SEPTIN2: variants seen among roughly 807,000 people sequenced by gnomAD.
The protein encoded by SEPTIN2 is septin-2.
Under a neutral mutation model 46.5 loss-of-function variants are expected in SEPTIN2, and 34 were observed. The ratio of observed to expected loss-of-function variants is 0.73; its 90% CI spans 0.56 to 0.97. The LOEUF (loss-of-function observed/expected upper bound fraction) is 0.97, where lower values mean the gene tolerates loss of function less well. SEPTIN2 is among the 50% of genes least tolerant of loss of function. SEPTIN2 has a pLI of 0.00. For missense variants in SEPTIN2, 347 were observed against 448.4 expected (o/e 0.77, Z 2.04); for synonymous variants, 175 against 153.4 (o/e 1.14, Z -1.04).
intron 1 of SEPTIN2, among the ~76,000 whole-genome samples, chr2:241,317,806 T>C (rs2076591706): frequency 6.6e-6 from 1 of 152,148 alleles, no homozygotes; most frequent in African/African-American, 2.4e-5. Context: ...TTTGCGAAAA[T>C]TGGTTTTTTA....
chr2:241,343,657 A>G (rs1413070797), intron 8 of SEPTIN2, 95 bp from the exon 9 acceptor site: 38 of 1,386,782 alleles, frequency 2.7e-5, no homozygotes, highest in Non-Finnish European at 3.6e-5. Context: ...TGTAGTCAAC[A>G]GCAATGTGTT....
chr2:241,343,122 A>G (rs1367150886), intron 8 of SEPTIN2, 29 bp downstream of exon 8: 2 of 1,196,256 alleles, frequency 1.7e-6, no homozygotes, highest in African/African-American at 1.5e-5. Context: ...TCCACAACAT[A>G]AATAACTCCT....
chr2:241,326,708 CAA>C, intron 3 of SEPTIN2, among the ~76,000 whole-genome samples: 1 of 152,336 alleles, frequency 6.6e-6, no homozygotes. Context: ...GCTGTCATGT[CAA>C]GAGAACACTC....
intron 3 of SEPTIN2, among the ~76,000 whole-genome samples, chr2:241,328,328 G>A (rs2078356281): frequency 6.6e-6 from 1 of 152,176 alleles, no homozygotes; most frequent in African/African-American, 2.4e-5. Flanking sequence ...CTACTTGGGA[G>A]GCTGAGGCCA....
At chr2:241,328,482 A>G (rs185052757) in intron 3 of SEPTIN2, among the ~76,000 whole-genome samples, 1 of 150,802 alleles carries the variant, frequency 6.6e-6, no homozygotes, top group Non-Finnish European at 1.5e-5. Context: ...CATGCCTGTA[A>G]TCACAGCATC....
At chr2:241,337,259 C>T (rs1043031618) in intron 5 of SEPTIN2, 123 bp from the exon 6 acceptor site, 2 of 948,130 alleles carry the variant, frequency 2.1e-6, no homozygotes. Flanking sequence ...GTCTTCTGTT[C>T]TCATCTTGAA....
chr2:241,337,669 T>G lies in SEPTIN2; in HGVS notation c.477-4T>G, dbSNP rs1407052779. 3.1e-6 allele frequency: 5 copies of G among 1,605,196 alleles called. No homozygotes were observed. The African/African-American group carries it at 4.0e-5, about 13-fold the overall frequency. On this transcript the variant is annotated splice_region_variant and splice_polypyrimidine_tract_variant and intron_variant, in intron 6 of 12. Coordinates refer to ENST00000391971, the MANE Select transcript of SEPTIN2 (RefSeq NM_004404.5). ...ATAAGTGACAATTCTAAAATTAATT[T>G]TAGACTTAAGCCCTTAGATGTGGCG... is the stretch of plus-strand genomic sequence containing the variant.
chr2:241,349,390 A>ATATATG (rs1280557006), intron 11 of SEPTIN2, among the ~76,000 whole-genome samples: 65 of 149,970 alleles, frequency 4.3e-4, no homozygotes, highest in African/African-American at 1.6e-3. Context: ...AAAAATATAT[A>ATATATG]TATATGTATA....
chr2:241,350,773 TGAAAA>T (rs1456493109), intron 12 of SEPTIN2, among the ~76,000 whole-genome samples: 1 of 151,974 alleles, frequency 6.6e-6, no homozygotes, highest in Non-Finnish European at 1.5e-5. Flanking sequence ...TCTGCCTGCT[TGAAAA>T]GAATCTGCAG....
chr2:241,330,507 G>A (rs1246061965), intron 3 of SEPTIN2, among the ~76,000 whole-genome samples: 1 of 152,150 alleles, frequency 6.6e-6, no homozygotes. Context: ...AAATGGGTGT[G>A]GCTCATAACA....
chr2:241,315,716 G>C (rs2076067406), upstream of SEPTIN2: 1 of 152,406 alleles, frequency 6.6e-6, no homozygotes, highest in South Asian at 2.1e-4. Context: ...CAACTGCCGT[G>C]GGAGGAGCAC....
At chr2:241,338,967 AAATAT>A (rs1338002090) in intron 7 of SEPTIN2, among the ~76,000 whole-genome samples, 13 of 85,240 alleles carry the variant, frequency 1.5e-4, no homozygotes, top group East Asian at 5.9e-4. Context: ...TATATATTAT[AAATAT>A]AATATATAAA....
At position 241,335,123 on chromosome 2, in the gene SEPTIN2, A is replaced by G; in HGVS notation, c.131-3A>G. 3 of 1,607,190 alleles carry G rather than the reference A, an allele frequency of 1.9e-6. No homozygotes were observed. Among genetic ancestry groups the G allele is most frequent in the Non-Finnish European group, 2.6e-6 (3 of 1,174,262 alleles). On this transcript the variant is annotated splice_polypyrimidine_tract_variant and splice_region_variant and intron_variant, in intron 3 of 12. Coordinates refer to ENST00000391971, the MANE Select transcript of SEPTIN2 (RefSeq NM_004404.5). The stretch of plus-strand genomic sequence containing the variant: ...ATGACAAGGTTTTTCTTTTTATTTA[A>G]AGGTGAATCAGGTCTAGGAAAATCG...
In SEPTIN2 at chr2:241,348,127, T is replaced by C. The variant is rs1217085922; in HGVS notation, c.927-7T>C. 1.2e-6 allele frequency: 2 copies of C among 1,610,408 alleles called. No homozygotes were observed. The highest frequency in any genetic ancestry group is 3.4e-5 in the Admixed American group (2 of 59,502). On this transcript the variant is annotated splice_region_variant and splice_polypyrimidine_tract_variant and intron_variant, in intron 10 of 12. Coordinates refer to ENST00000391971, the MANE Select transcript of SEPTIN2 (RefSeq NM_004404.5). Reference sequence around the variant, plus strand: ...GTGTTATGATTCTGATTTCTTTCGATTCTTAGGAAAGTGGAGAATGAGGAC... The same window carrying C: ...GTGTTATGATTCTGATTTCTTTCGACTCTTAGGAAAGTGGAGAATGAGGAC...
chr2:241,322,311 T>C (rs1407914888), intron 1 of SEPTIN2, among the ~76,000 whole-genome samples: 1 of 152,074 alleles, frequency 6.6e-6, no homozygotes, highest in Non-Finnish European at 1.5e-5. Flanking sequence ...GTTTAAAAAT[T>C]CCACATATCT....
Position 241,335,981 on chromosome 2 carries a change from T to A in SEPTIN2, c.224T>A (p.Ile75Asn). ...ERVIPGAAEK[I>N]ERTVQIEAST... ...AAGTTTGTTTCTTTTCTAGAAAAAA[T>A]TGAAAGAACTGTCCAGATTGAGGCT... Residue 75 changes from isoleucine to asparagine, a missense_variant, in exon 5 of 13, where the codon ATT (isoleucine) becomes AAT (asparagine). Physicochemically the swap from Ile to Asn is moderately radical, Grantham distance 149 (BLOSUM62 -3). Coordinates refer to ENST00000391971, the MANE Select transcript of SEPTIN2 (RefSeq NM_004404.5). 2.5e-6 allele frequency: 4 copies of A among 1,614,016 alleles called. No homozygotes were observed. The South Asian group carries it at 4.4e-5, about 18-fold the overall frequency.
chr2:241,324,562 A>AT (rs1169147369), intron 2 of SEPTIN2: 3 of 403,066 alleles, frequency 7.4e-6, no homozygotes, highest in African/African-American at 6.3e-5. Context: ...AATTTTTTGG[A>AT]TTTTAGTAAA....
rs1334210058 is a variant in SEPTIN2, at chr2:241,352,151, A to C, written c.*214A>C. On this transcript the variant is annotated 3_prime_UTR_variant, in exon 13 of 13. Coordinates refer to ENST00000391971, the MANE Select transcript of SEPTIN2 (RefSeq NM_004404.5). ...CGTATGTATTTCATTGCTGTGTCAC[A>C]CTCTGTGTTTTGTGAGGTGAATGTC... 1.3e-5 allele frequency: 2 copies of C among 152,532 alleles called. No homozygotes were observed. The highest frequency in any genetic ancestry group is 4.8e-5 in the African/African-American group (2 of 41,408). The allele number at this position is 152,532 out of a possible 1,614,324, so 9.4% of individuals were successfully genotyped here. A position where few individuals can be genotyped will look rare whatever the true frequency, so the allele number is the denominator to read the frequency against.
rs765086855 is a variant in SEPTIN2, at chr2:241,346,235, CAA to C, written c.913_914del (p.Lys305GlufsTer9). On this transcript the variant is annotated frameshift_variant, in exon 10 of 13. Coordinates refer to ENST00000391971, the MANE Select transcript of SEPTIN2 (RefSeq NM_004404.5). LOFTEE classifies it high-confidence loss of function. ...HYENFRSERL[K>X]RGGRKVENED... is the part of the protein sequence containing the mutation. ...ATGAAAACTTCCGTTCTGAGAGACT[CAA>C]GAGAGGCGGCAGGTCATCACACTGT... 8 of 1,613,726 alleles carry C rather than the reference CAA, an allele frequency of 5.0e-6. No homozygotes were observed. The highest frequency in any genetic ancestry group is 2.7e-5 in the African/African-American group (2 of 74,980).
Sources: gnomAD v4.1 joint callset for allele counts (sites outside exome capture counted in the v4.1 genomes callset) on GRCh38, gnomAD v4.1.1 for gene constraint, MANE v1.5 for transcripts, NCBI Gene and HGNC (gene_info 2026-07-23, HGNC 2026-07-21) for gene names.